Variants in CCDC13 observed in about 807,000 individuals in gnomAD.
CCDC13 encodes the protein coiled-coil domain-containing protein 13.
A neutral mutation model predicts 87.3 loss-of-function variants in CCDC13; 70 were observed. The ratio of observed to expected loss-of-function variants is 0.80; its 90% confidence interval spans 0.66 to 0.98. CCDC13 has a LOEUF of 0.98. CCDC13 is among the 50% of genes least tolerant of loss of function. CCDC13 has a pLI of 0.00. For missense variants in CCDC13, 842 were observed against 892.0 expected (o/e 0.94, Z 0.71); for synonymous variants, 317 against 360.3 (o/e 0.88, Z 1.36).
At chr3:42,762,340 C>T (rs1420618998) in intron 1 of CCDC13, among the ~76,000 whole-genome samples, 6 of 152,220 alleles carry the variant, frequency 3.9e-5, no homozygotes, top group Non-Finnish European at 5.9e-5. Context: ...GCCTTTGACC[C>T]GCTCCTAAGA....
intron 9 of CCDC13, among the ~76,000 whole-genome samples, chr3:42,737,761 GT>G (rs988155672): frequency 1.2e-4 from 19 of 152,066 alleles, no homozygotes; most frequent in African/African-American, 3.9e-4. Flanking sequence ...TGATGGGGTT[GT>G]TTTTTTCTTG....
intron 13 of CCDC13, among the ~76,000 whole-genome samples, chr3:42,713,721 A>C (rs564914827): frequency 1.3e-5 from 2 of 152,326 alleles, no homozygotes; most frequent in South Asian, 4.1e-4. Context: ...CTCTCCTCCT[A>C]CGAAACAGAA....
chr3:42,742,102 A>T (rs1227740333), intron 8 of CCDC13, among the ~76,000 whole-genome samples: 2 of 152,176 alleles, frequency 1.3e-5, no homozygotes, highest in Admixed American at 6.5e-5. Flanking sequence ...TCTCATTGCA[A>T]GTTTGGGGAG....
At chr3:42,758,648 C>G (rs1032318269) in intron 1 of CCDC13, among the ~76,000 whole-genome samples, 3 of 152,234 alleles carry the variant, frequency 2.0e-5, no homozygotes, top group Admixed American at 6.5e-5. Context: ...GTTCTCAACT[C>G]TGGTTGAACA....
intron 13 of CCDC13, among the ~76,000 whole-genome samples, chr3:42,714,937 A>G (rs1257030890): frequency 1.3e-5 from 2 of 152,204 alleles, no homozygotes; most frequent in Non-Finnish European, 2.9e-5. Context: ...ATAGAATATG[A>G]TAGAGCTGTG....
intron 2 of CCDC13, 29 bp downstream of exon 2, chr3:42,758,096 C>CACACAT: frequency 6.6e-7 from 1 of 1,523,046 alleles, no homozygotes; most frequent in Non-Finnish European, 9.1e-7. Flanking sequence ...CACACACACA[C>CACACAT]CCCTGAGAGA....
At chr3:42,736,355 C>T (rs1399200200) in intron 9 of CCDC13, among the ~76,000 whole-genome samples, 2 of 152,136 alleles carry the variant, frequency 1.3e-5, no homozygotes, top group African/African-American at 4.8e-5. Context: ...GACTCCTGGG[C>T]AAAGGCTTCC....
intron 13 of CCDC13, among the ~76,000 whole-genome samples, chr3:42,725,033 A>G (rs967450009): frequency 6.6e-6 from 1 of 152,238 alleles, no homozygotes; most frequent in African/African-American, 2.4e-5. Flanking sequence ...TGGCATGAAT[A>G]GGTAGTTAAA....
chr3:42,718,111 G>A lies in CCDC13; in HGVS notation c.1719-4795C>T, dbSNP rs145845264. 8.3e-3 allele frequency: 1,272 copies of A among 152,368 alleles called. 7 individuals carry two copies. The highest frequency in any genetic ancestry group is 0.013 in the Non-Finnish European group (874 of 68,058). The allele number at this position is 152,368 out of a possible 1,614,324, so 9.4% of individuals were successfully genotyped here. ...GGGTGAAATAAGGCTGAAACCAACTGCTGCATTCCCAGATGGTTAAGGCAT... is the reference window on the plus strand; with the variant it reads ...GGGTGAAATAAGGCTGAAACCAACTACTGCATTCCCAGATGGTTAAGGCAT... On this transcript the variant is annotated intron_variant, in intron 13 of 15. Transcript: ENST00000310232.
chr3:42,709,993 C>T (rs1175695425), intron 14 of CCDC13, among the ~76,000 whole-genome samples, 195 bp from the exon 15 acceptor site: 1 of 152,210 alleles, frequency 6.6e-6, no homozygotes, highest in African/African-American at 2.4e-5. Flanking sequence ...GCCTCTGCCC[C>T]TGGCTTTGGC....
intron 8 of CCDC13, 122 bp downstream of exon 8, chr3:42,742,774 G>A: frequency 1.6e-6 from 2 of 1,248,862 alleles, no homozygotes; most frequent in South Asian, 2.9e-5. Context: ...CAGGTCCCCA[G>A]GTGTCTCCTG....
intron 12 of CCDC13, among the ~76,000 whole-genome samples, chr3:42,731,605 G>A (rs1239367365): frequency 6.6e-6 from 1 of 152,136 alleles, no homozygotes; most frequent in Non-Finnish European, 1.5e-5. Flanking sequence ...CTCTGTGTGT[G>A]CACTGCAGTT....
intron 1 of CCDC13, among the ~76,000 whole-genome samples, chr3:42,763,503 C>CT (rs765712843): frequency 0.014 from 1,770 of 130,016 alleles, 35 homozygotes; most frequent in African/African-American, 0.037. Flanking sequence ...AAGAGATGTA[C>CT]TTTTTTTTTT....
intron 7 of CCDC13, among the ~76,000 whole-genome samples, chr3:42,744,072 G>A (rs1341321599): frequency 2.0e-5 from 3 of 152,264 alleles, no homozygotes; most frequent in East Asian, 3.9e-4. Context: ...AAATCTTGGT[G>A]CTTACTCCAG....
chr3:42,770,365 G>A lies in CCDC13; in HGVS notation c.-7+2811C>T, dbSNP rs150107833. Among the ~76,000 whole-genome samples the A allele has an allele frequency of 2.6e-4, 39 of 152,346 alleles. 1 individual carries two copies. The East Asian group carries it at 6.7e-3, about 26-fold the overall frequency. On this transcript the variant is annotated intron_variant, in intron 1 of 15. Coordinates refer to ENST00000310232, the MANE Select transcript of CCDC13 (RefSeq NM_144719.4). ...TACACCAATCGGCACTCTGTATCTAGCTCAAGGTTTGTAAATGCACCAATT... is the reference window on the plus strand; with the variant it reads ...TACACCAATCGGCACTCTGTATCTAACTCAAGGTTTGTAAATGCACCAATT...
intron 12 of CCDC13, among the ~76,000 whole-genome samples, chr3:42,731,276 A>G (rs1405406931): frequency 6.6e-6 from 1 of 151,406 alleles, no homozygotes; most frequent in East Asian, 2.0e-4. Flanking sequence ...GGAAGGCTGC[A>G]GAGCTGGGCA....
At chr3:42,747,199 C>T (rs751441577) in intron 6 of CCDC13, 58 bp downstream of exon 6, 11 of 1,301,346 alleles carry the variant, frequency 8.5e-6, no homozygotes, top group Non-Finnish European at 1.2e-5. Flanking sequence ...GCCAGCCGTG[C>T]TCTTCCCAAG....
At chr3:42,744,589 A>G (rs1417788231) in intron 7 of CCDC13, among the ~76,000 whole-genome samples, 1 of 151,736 alleles carries the variant, frequency 6.6e-6, no homozygotes, top group Non-Finnish European at 1.5e-5. Flanking sequence ...GCGGATCACG[A>G]GGTCAGGAGA....
chr3:42,766,635 CCAAA>C lies in CCDC13; in HGVS notation c.-7+6537_-7+6540del, dbSNP rs1244694311. ...AAAAAAAAAAAAAACAACCAACCAA[CCAAA>C]CAAACAAACTTCCTCTCCAAGAATA... On this transcript the variant is annotated intron_variant, in intron 1 of 15. Coordinates refer to ENST00000310232, the MANE Select transcript of CCDC13 (RefSeq NM_144719.4). 4.8e-5 allele frequency among the ~76,000 whole-genome samples: 7 copies of C among 146,940 alleles called. No individual in the cohort carries two copies. In the East Asian group the frequency reaches 7.9e-4, roughly 17 times the overall value.
Sources: allele counts gnomAD v4.1 joint callset (sites outside exome capture counted in the v4.1 genomes callset), GRCh38; gene constraint gnomAD v4.1.1; transcripts MANE v1.5; gene names NCBI Gene and HGNC (gene_info 2026-07-23, HGNC 2026-07-21).